The following CACNA1A variants were observed in gnomAD, a reference collection of about 807,000 sequenced individuals.
CACNA1A encodes calcium voltage-gated channel subunit alpha1 A, also known as voltage-dependent P/Q-type calcium channel subunit alpha-1A.
A neutral mutation model predicts 262.4 loss-of-function variants in CACNA1A; 57 were observed. The ratio of observed to expected loss-of-function variants is 0.22; its 90% CI spans 0.18 to 0.27. The LOEUF (loss-of-function observed/expected upper bound fraction) is 0.27, where lower values mean the gene tolerates loss of function less well. CACNA1A is among the 10% of genes least tolerant of loss of function. The pLI, the probability that CACNA1A is intolerant of heterozygous loss-of-function variation, is 1.00. For synonymous variants in CACNA1A, 1,431 were observed against 1,419.3 expected (o/e 1.01, Z -0.18); for missense variants, 2,526 against 3,562.8 (o/e 0.71, Z 7.41).
intron 1 of CACNA1A, among the ~76,000 whole-genome samples, chr19:13,464,197 G>T (rs1413973696): frequency 1.3e-5 from 2 of 152,150 alleles, no homozygotes; most frequent in Non-Finnish European, 2.9e-5. Context: ...AGGACAGCCT[G>T]GGCGACACAG....
Position 13,231,636 on chromosome 19 carries a change from A to G in CACNA1A, c.5400+74T>C, listed in dbSNP as rs1156565259. 2.0e-6 allele frequency: 3 copies of G among 1,476,296 alleles called. No individual in the cohort carries two copies. The African/African-American group carries it at 4.2e-5, about 21-fold the overall frequency. 91.4% of individuals were successfully genotyped at this position (1,476,296 alleles called of 1,614,324 possible). A position where few individuals can be genotyped will look rare whatever the true frequency, so the allele number is the denominator to read the frequency against. On this transcript the variant is annotated intron_variant, in intron 35 of 46. Transcript: ENST00000360228. ...CAAGCCTTCGACACAGCCACATTCC[A>G]CAGAAACCCACTCCCCTGAAAGGAA... is the stretch of plus-strand genomic sequence containing the variant.
At chr19:13,371,523 A>T (rs941496174) in intron 4 of CACNA1A, 165 bp downstream of exon 4, 8 of 601,500 alleles carry the variant, frequency 1.3e-5, no homozygotes, top group Non-Finnish European at 2.1e-5. Flanking sequence ...ATGGGGAGCT[A>T]CAGTCATATT....
chr19:13,383,991 T>A (rs929540423), intron 3 of CACNA1A, among the ~76,000 whole-genome samples: 28 of 151,818 alleles, frequency 1.8e-4, no homozygotes, highest in African/African-American at 6.5e-4. Context: ...ATTTTTAATA[T>A]TTTTTTTGTA....
chr19:13,437,763 T>C (rs1177859748), intron 3 of CACNA1A, among the ~76,000 whole-genome samples: 1 of 146,212 alleles, frequency 6.8e-6, no homozygotes, highest in East Asian at 2.1e-4. Context: ...GGTCTCCACA[T>C]AGACACCCAA....
chr19:13,262,866 A>G lies in CACNA1A; in HGVS notation c.3990-33T>C, dbSNP rs1347065412. ...GGAATGTTTAGGTGGGAAGAAGGGA[A>G]GAGAGGAAGCAGAGGTCAGGTTGGG... On this transcript the variant is annotated intron_variant, in intron 24 of 46. Coordinates refer to ENST00000360228, the MANE Select transcript of CACNA1A (RefSeq NM_001127222.2). 2.0e-6 allele frequency: 3 copies of G among 1,494,104 alleles called. No individual in the cohort carries two copies. In the African/African-American group the frequency reaches 4.1e-5, roughly 21 times the overall value. 92.6% of individuals were successfully genotyped at this position (1,494,104 alleles called of 1,614,324 possible). A position where few individuals can be genotyped will look rare whatever the true frequency, so the allele number is the denominator to read the frequency against.
intron 20 of CACNA1A, among the ~76,000 whole-genome samples, chr19:13,285,427 A>G (rs752594231): frequency 5.3e-5 from 8 of 152,160 alleles, no homozygotes; most frequent in African/African-American, 1.9e-4. Context: ...ACAGAGAAGT[A>G]AAGTGACTTG....
intron 9 of CACNA1A, among the ~76,000 whole-genome samples, chr19:13,331,176 T>C (rs750830885): frequency 1.4e-4 from 22 of 152,164 alleles, no homozygotes; most frequent in Non-Finnish European, 7.3e-5. Flanking sequence ...GCAGTGCCAG[T>C]TCTTTTATTT....
chr19:13,319,969 AG>A, intron 10 of CACNA1A, among the ~76,000 whole-genome samples: 1 of 152,226 alleles, frequency 6.6e-6, no homozygotes, highest in South Asian at 2.1e-4. Context: ...GTCATGGGGC[AG>A]GGGCACATTC....
At chr19:13,264,132 A>C (rs1375390653) in intron 24 of CACNA1A, among the ~76,000 whole-genome samples, 1 of 152,126 alleles carries the variant, frequency 6.6e-6, no homozygotes, top group Non-Finnish European at 1.5e-5. Flanking sequence ...GACCCCAGAG[A>C]TGCCATGACA....
chr19:13,340,915 A>G lies in CACNA1A; in HGVS notation c.979-5006T>C, dbSNP rs186992442. On this transcript the variant is annotated intron_variant, in intron 6 of 46. Coordinates refer to ENST00000360228, the MANE Select transcript of CACNA1A (RefSeq NM_001127222.2). ...AAATGACGGGTTTCCTTATAAAAAG[A>G]GGACATCTGGGCAGAGCACAGTGGC... 4.6e-5 allele frequency among the ~76,000 whole-genome samples: 7 copies of G among 152,254 alleles called. No homozygotes were observed. The East Asian group carries it at 5.8e-4, about 13-fold the overall frequency.
At chr19:13,481,537 G>A (rs1346087417) in intron 1 of CACNA1A, among the ~76,000 whole-genome samples, 1 of 152,204 alleles carries the variant, frequency 6.6e-6, no homozygotes, top group African/African-American at 2.4e-5. Flanking sequence ...AGAAGTGGGT[G>A]GGGCGGGGAG....
At chr19:13,346,636 A>T (rs1330477889) in intron 6 of CACNA1A, among the ~76,000 whole-genome samples, 4 of 3,694 alleles carry the variant, frequency 1.1e-3, no homozygotes, top group Non-Finnish European at 2.5e-3. Flanking sequence ...ATATATATAT[A>T]TATATATATA....
At chr19:13,235,095 C>T in intron 33 of CACNA1A, 59 bp from the exon 34 acceptor site, 1 of 1,536,628 alleles carries the variant, frequency 6.5e-7, no homozygotes, top group East Asian at 2.2e-5. Context: ...TTCTGGGAAA[C>T]CCAGCTCAAC....
At position 13,336,721 on chromosome 19, in the gene CACNA1A, C is replaced by T. The variant is rs146196449; in HGVS notation, c.979-812G>A. Among the ~76,000 whole-genome samples the T allele has an allele frequency of 3.8e-4, 58 of 152,082 alleles. No homozygotes were observed. The East Asian group carries it at 7.0e-3, about 18-fold the overall frequency. ...TAAGCACATTATGTATGTTAGCTCACTTAGTCATTTAATCCTCATGATGCC... is the reference window on the plus strand; with the variant it reads ...TAAGCACATTATGTATGTTAGCTCATTTAGTCATTTAATCCTCATGATGCC... On this transcript the variant is annotated intron_variant, in intron 6 of 46. Transcript: ENST00000360228.
chr19:13,321,443 C>T (rs1410318363), intron 10 of CACNA1A, among the ~76,000 whole-genome samples: 1 of 152,130 alleles, frequency 6.6e-6, no homozygotes, highest in Non-Finnish European at 1.5e-5. Context: ...AATTGTAATA[C>T]AGCCATGTGT....
chr19:13,375,976 C>A (rs2059399008), intron 3 of CACNA1A, among the ~76,000 whole-genome samples: 1 of 152,174 alleles, frequency 6.6e-6, no homozygotes, highest in Admixed American at 6.6e-5. Context: ...ATCAAACCAG[C>A]CACAACATTC....
intron 20 of CACNA1A, among the ~76,000 whole-genome samples, chr19:13,285,436 T>G (rs1482240132): frequency 6.6e-6 from 1 of 152,106 alleles, no homozygotes; most frequent in Non-Finnish European, 1.5e-5. Context: ...TAAAGTGACT[T>G]GTCTAAGGTC....
In CACNA1A at chr19:13,362,127, C is replaced by T. The variant is rs1156343623; in HGVS notation, c.785-2328G>A. The T allele has an allele frequency of 4.0e-5, 6 of 151,864 alleles. No homozygotes were observed. The South Asian group carries it at 1.2e-3, about 32-fold the overall frequency. The allele number at this position is 151,864 out of a possible 1,614,324, so 9.4% of individuals were successfully genotyped here. A position where few individuals can be genotyped will look rare whatever the true frequency, so the allele number is the denominator to read the frequency against. On this transcript the variant is annotated intron_variant, in intron 5 of 46. Transcript: ENST00000360228. ...CCTTGCAGCCTCCAATTCCTGGGCT[C>T]AAGTGATCCTTCTTCCTCAGCCTCC...
At chr19:13,503,496 A>T (rs1475988236) in intron 1 of CACNA1A, among the ~76,000 whole-genome samples, 1 of 151,620 alleles carries the variant, frequency 6.6e-6, no homozygotes, top group Non-Finnish European at 1.5e-5. Flanking sequence ...AAATATTTAG[A>T]TTAAAAAGTA....
Sources: gnomAD v4.1 joint callset for allele counts (sites outside exome capture counted in the v4.1 genomes callset) on GRCh38, gnomAD v4.1.1 for gene constraint, MANE v1.5 for transcripts, NCBI Gene and HGNC (gene_info 2026-07-23, HGNC 2026-07-21) for gene names.